Variants in NFATC2 observed in about 807,000 individuals in gnomAD.
NFATC2 encodes the protein nuclear factor of activated T cells 2.
NFATC2 carries 22 observed loss-of-function variants against 87.3 expected under a neutral mutation model. That is an observed-to-expected ratio of 0.25 (90% CI 0.18 to 0.36). The LOEUF (loss-of-function observed/expected upper bound fraction) is 0.36. Among genes scored for constraint, NFATC2 ranks in the 10% least tolerant of loss-of-function variants. The probability of loss-of-function intolerance (pLI) is 1.00; values close to 1 mark genes in which losing one functional copy is unlikely to be tolerated. For missense variants in NFATC2, 1,149 were observed against 1,259.1 expected (o/e 0.91, Z 1.32); for synonymous variants, 565 against 542.2 (o/e 1.04, Z -0.58).
Position 51,523,170 on chromosome 20 carries a change from C to G in NFATC2, c.1071G>C (p.Gln357His), listed in dbSNP as rs2076477556. The change falls in exon 2 of 11, where the codon CAG becomes CAC. Residue 357 changes from glutamine to histidine, a missense_variant. Coordinates refer to ENST00000371564, the MANE Select transcript of NFATC2 (RefSeq NM_012340.5). The surrounding 1 kb of genome is among the most constrained non-coding windows in gnomAD (Gnocchi z 6.9). The stretch of plus-strand genomic sequence containing the variant: ...CTGGAGCCGAGTTTCTCCTCTCGCC[C>G]TGCTCGCAGGGCCCCAGGAACTCCA... ...PAVEFLGPCE[Q>H]GERRNSAPES... The G allele has an allele frequency of 1.9e-6, 3 of 1,614,116 alleles. No individual in the cohort carries two copies. Among genetic ancestry groups the G allele is most frequent in the Non-Finnish European group, 2.5e-6 (3 of 1,180,058 alleles).
At chr20:51,485,139 T>A (rs1489403459) in intron 3 of NFATC2, among the ~76,000 whole-genome samples, 1 of 152,186 alleles carries the variant, frequency 6.6e-6, no homozygotes, top group African/African-American at 2.4e-5. Context: ...CCAATTACCA[T>A]GTCCACATTT....
Position 51,391,185 on chromosome 20 carries a change from G to C in NFATC2, c.*311C>G. Reference sequence around the variant, plus strand: ...TTAAGATCAACCAGGATGCTCTCTGGGATTTAAAACATAAACCGAAAAGAA... The same window carrying C: ...TTAAGATCAACCAGGATGCTCTCTGCGATTTAAAACATAAACCGAAAAGAA... On this transcript the variant is annotated 3_prime_UTR_variant, in exon 11 of 11. Transcript: ENST00000371564. The C allele has an allele frequency of 1.4e-6, 1 of 694,858 alleles. No homozygotes were observed. The allele number at this position is 694,858 out of a possible 1,614,324, so 43.0% of individuals were successfully genotyped here.
chr20:51,547,213 T>C (rs1252608001), upstream of NFATC2, among the ~76,000 whole-genome samples: 2 of 152,024 alleles, frequency 1.3e-5, no homozygotes, highest in Admixed American at 1.3e-4. Context: ...CTTATAGCCG[T>C]CCAGGAAAGA....
At chr20:51,414,813 T>G (rs1465531950) in intron 9 of NFATC2, among the ~76,000 whole-genome samples, 1 of 151,726 alleles carries the variant, frequency 6.6e-6, no homozygotes, top group Admixed American at 6.6e-5. Flanking sequence ...AGCTGAGGGG[T>G]GGGCGAGGCT....
intron 9 of NFATC2, among the ~76,000 whole-genome samples, chr20:51,409,082 CAA>C: frequency 6.6e-6 from 1 of 152,216 alleles, no homozygotes; most frequent in East Asian, 1.9e-4. Flanking sequence ...CTGACAGTAT[CAA>C]ACTTTGTGAG....
At chr20:51,464,107 C>T (rs8121649) in intron 5 of NFATC2, among the ~76,000 whole-genome samples, 21,662 of 152,206 alleles carry the variant, frequency 0.14, 1,944 homozygotes, top group African/African-American at 0.25. Context: ...CCTCTCACAC[C>T]GGCCTACTGC....
intron 2 of NFATC2, among the ~76,000 whole-genome samples, chr20:51,519,676 G>A (rs533997629): frequency 1.7e-4 from 25 of 149,910 alleles, no homozygotes; most frequent in Admixed American, 1.1e-3. Flanking sequence ...AGCACTTTGG[G>A]AGGCCAATGC....
At chr20:51,457,599 T>A (rs1232558929) in intron 5 of NFATC2, among the ~76,000 whole-genome samples, 2 of 58,538 alleles carry the variant, frequency 3.4e-5, no homozygotes, top group Non-Finnish European at 4.2e-5. Flanking sequence ...TTTTTTTTTT[T>A]AATGAAAATT....
At chr20:51,562,693 C>T, upstream of NFATC2, 3 of 1,462,832 alleles carry the variant, frequency 2.1e-6, no homozygotes, top group Non-Finnish European at 1.9e-6. The surrounding 1 kb of genome is among the most constrained non-coding windows in gnomAD (Gnocchi z 5.8). Flanking sequence ...GACCAGCAGC[C>T]GAGGGGACGC....
intron 1 of NFATC2, among the ~76,000 whole-genome samples, chr20:51,553,643 T>C (rs1390554436): frequency 2.3e-5 from 3 of 130,594 alleles, no homozygotes; most frequent in Non-Finnish European, 4.6e-5. Context: ...GCCACTGCAC[T>C]CCAGCCTGGG....
chr20:51,556,153 C>T (rs2076976251), intron 1 of NFATC2, among the ~76,000 whole-genome samples: 1 of 152,182 alleles, frequency 6.6e-6, no homozygotes, highest in Non-Finnish European at 1.5e-5. Context: ...TCTCCAGGAG[C>T]CACTGGAAGC....
At chr20:51,521,620 C>G (rs531710302) in intron 2 of NFATC2, among the ~76,000 whole-genome samples, 1 of 152,344 alleles carries the variant, frequency 6.6e-6, no homozygotes, top group South Asian at 2.1e-4. Flanking sequence ...CGCACCCGGC[C>G]TATTTGGGGA....
chr20:51,561,442 A>G (rs190008625), intron 1 of NFATC2, among the ~76,000 whole-genome samples: 30 of 88,300 alleles, frequency 3.4e-4, no homozygotes, highest in Non-Finnish European at 6.1e-4. Context: ...AAAGAAAGAA[A>G]GAAAGAAAGA....
chr20:51,454,033 T>TTG (rs1986118085), intron 6 of NFATC2, among the ~76,000 whole-genome samples: 1 of 152,258 alleles, frequency 6.6e-6, no homozygotes. Context: ...AATTGGCTTA[T>TTG]GCTGTACTTG....
intron 3 of NFATC2, among the ~76,000 whole-genome samples, chr20:51,488,883 C>T (rs569604565): frequency 3.3e-5 from 5 of 152,204 alleles, no homozygotes; most frequent in Non-Finnish European, 7.3e-5. Flanking sequence ...CCATGGCTTC[C>T]CAGTGCATAA....
At chr20:51,447,530 C>T (rs954661138) in intron 6 of NFATC2, among the ~76,000 whole-genome samples, 12 of 152,192 alleles carry the variant, frequency 7.9e-5, no homozygotes, top group African/African-American at 2.2e-4. Context: ...CCCACCCAGG[C>T]GCAGCGAGTC....
chr20:51,449,692 C>T (rs1568992926), intron 6 of NFATC2, among the ~76,000 whole-genome samples: 1 of 152,130 alleles, frequency 6.6e-6, no homozygotes, highest in Non-Finnish European at 1.5e-5. Flanking sequence ...GGTCTAGAGC[C>T]AGGCTGCCTG....
intron 3 of NFATC2, among the ~76,000 whole-genome samples, chr20:51,487,267 AGT>A (rs1367151544): frequency 6.6e-6 from 1 of 152,210 alleles, no homozygotes; most frequent in African/African-American, 2.4e-5. Flanking sequence ...CCAGCATGGC[AGT>A]GTGTGAATGC....
chr20:51,440,891 C>T (rs1041047270), intron 6 of NFATC2, among the ~76,000 whole-genome samples: 2 of 152,254 alleles, frequency 1.3e-5, no homozygotes, highest in Non-Finnish European at 2.9e-5. Flanking sequence ...CCCACTCCAC[C>T]CCGCATCCAC....
Sources: allele counts gnomAD v4.1 joint callset (sites outside exome capture counted in the v4.1 genomes callset), GRCh38; gene constraint gnomAD v4.1.1; non-coding constraint Gnocchi (gnomAD v3.1); transcripts MANE v1.5; gene names NCBI Gene and HGNC (gene_info 2026-07-23, HGNC 2026-07-21).